Variants in ATP6V1H observed in about 807,000 individuals in gnomAD.
ATP6V1H encodes ATPase H+ transporting V1 subunit H.
A neutral mutation model predicts 71.7 loss-of-function variants in ATP6V1H; 39 were observed. The observed-to-expected ratio is 0.54, with a 90% CI of 0.42 to 0.71. ATP6V1H has a LOEUF of 0.71. Ranked by LOEUF, ATP6V1H falls within the 30% of genes least tolerant of loss-of-function variation. ATP6V1H has a pLI of 0.00. For synonymous variants in ATP6V1H, 192 were observed against 199.3 expected (o/e 0.96, Z 0.31); for missense variants, 509 against 594.9 (o/e 0.86, Z 1.50).
intron 10 of ATP6V1H, among the ~76,000 whole-genome samples, chr8:53,770,259 A>AT (rs746051937): frequency 1.3e-5 from 2 of 152,182 alleles, no homozygotes; most frequent in Non-Finnish European, 2.9e-5. Context: ...GAGTGTAGAC[A>AT]TAATTAATTG....
Position 53,829,535 on chromosome 8 carries a change from TAAA to T in ATP6V1H, c.217-5_217-3del. ...CAGATTTATAAATGTTTTAGCACAC[TAAA>T]AAAAAAAATGAAATTAAAGTTATTG... On this transcript the variant is annotated splice_region_variant and splice_polypyrimidine_tract_variant and intron_variant, in intron 3 of 13. Transcript: ENST00000359530. The T allele has an allele frequency of 2.4e-6, 3 of 1,229,534 alleles. No individual in the cohort carries two copies. The highest frequency in any genetic ancestry group is 3.3e-6 in the Non-Finnish European group (3 of 907,594). 76.2% of individuals were successfully genotyped at this position (1,229,534 alleles called of 1,614,324 possible).
chr8:53,808,558 A>T (rs1333436633), intron 7 of ATP6V1H, among the ~76,000 whole-genome samples: 1 of 152,210 alleles, frequency 6.6e-6, no homozygotes, highest in Non-Finnish European at 1.5e-5. Context: ...GCCTGAGCTC[A>T]GGAGTTCAAG....
chr8:53,744,957 A>G (rs1807548310), intron 12 of ATP6V1H, among the ~76,000 whole-genome samples: 1 of 152,226 alleles, frequency 6.6e-6, no homozygotes, highest in African/African-American at 2.4e-5. Flanking sequence ...ATGTCCCTGC[A>G]GGACACTAAG....
intron 13 of ATP6V1H, among the ~76,000 whole-genome samples, chr8:53,734,163 C>T (rs939304847): frequency 6.6e-6 from 1 of 152,224 alleles, no homozygotes; most frequent in Non-Finnish European, 1.5e-5. Flanking sequence ...AGTACAAAGG[C>T]TTGCTCTGTG....
chr8:53,739,853 C>T (rs1407146328), intron 13 of ATP6V1H, among the ~76,000 whole-genome samples: 1 of 152,240 alleles, frequency 6.6e-6, no homozygotes, highest in Admixed American at 6.5e-5. Flanking sequence ...TAGGACTGGC[C>T]TGCTCAGGCC....
At chr8:53,747,669 AGCTGGGATT>A (rs1175567967) in intron 12 of ATP6V1H, among the ~76,000 whole-genome samples, 1 of 151,840 alleles carries the variant, frequency 6.6e-6, no homozygotes, top group Non-Finnish European at 1.5e-5. Flanking sequence ...CCTCCCGAGT[AGCTGGGATT>A]ACAGGTGCAT....
chr8:53,733,059 C>T (rs1807079286), intron 13 of ATP6V1H, among the ~76,000 whole-genome samples: 1 of 152,188 alleles, frequency 6.6e-6, no homozygotes, highest in Non-Finnish European at 1.5e-5. Flanking sequence ...CAACCCTTCA[C>T]CTCTGCTGAT....
chr8:53,813,891 G>A (rs531281742), intron 6 of ATP6V1H, among the ~76,000 whole-genome samples: 11 of 152,316 alleles, frequency 7.2e-5, no homozygotes, highest in East Asian at 3.9e-4. Flanking sequence ...ACGAGCCACC[G>A]TGTGGGACAG....
intron 13 of ATP6V1H, among the ~76,000 whole-genome samples, chr8:53,721,147 T>A (rs1161101861): frequency 2.0e-5 from 3 of 152,198 alleles, no homozygotes; most frequent in Non-Finnish European, 4.4e-5. Context: ...GAAAAATAAA[T>A]CATCAATAAT....
intron 13 of ATP6V1H, among the ~76,000 whole-genome samples, chr8:53,718,564 A>G (rs1806506546): frequency 6.6e-6 from 1 of 151,864 alleles, no homozygotes; most frequent in African/African-American, 2.4e-5. Flanking sequence ...TAATTTTTGT[A>G]TATTTTGTAC....
intron 11 of ATP6V1H, among the ~76,000 whole-genome samples, chr8:53,762,832 G>A (rs907272069): frequency 1.3e-5 from 2 of 149,538 alleles, no homozygotes; most frequent in African/African-American, 5.0e-5. Flanking sequence ...ACTTACACAT[G>A]GATTTTCTTA....
intron 13 of ATP6V1H, among the ~76,000 whole-genome samples, chr8:53,740,538 G>A (rs1432308935): frequency 6.6e-6 from 1 of 151,996 alleles, no homozygotes; most frequent in Admixed American, 6.6e-5. Context: ...ATAATAACTC[G>A]TTTCCATTTA....
intron 9 of ATP6V1H, among the ~76,000 whole-genome samples, chr8:53,781,459 G>C (rs1250797798): frequency 6.6e-6 from 1 of 152,094 alleles, no homozygotes; most frequent in Non-Finnish European, 1.5e-5. Flanking sequence ...CAGATGAGTA[G>C]GTTGCAAAAA....
intron 2 of ATP6V1H, among the ~76,000 whole-genome samples, chr8:53,833,908 C>G (rs1183529337): frequency 6.6e-6 from 1 of 152,060 alleles, no homozygotes; most frequent in Non-Finnish European, 1.5e-5. Flanking sequence ...GGTGGTGATG[C>G]TGCTGAATTT....
chr8:53,754,519 G>A (rs1289003587), intron 12 of ATP6V1H, among the ~76,000 whole-genome samples: 3 of 152,128 alleles, frequency 2.0e-5, no homozygotes, highest in African/African-American at 4.8e-5. Flanking sequence ...CAAATGGAAC[G>A]AATCATCAGA....
At chr8:53,745,399 T>TA (rs542475056) in intron 12 of ATP6V1H, among the ~76,000 whole-genome samples, 6,700 of 150,318 alleles carry the variant, frequency 0.045, 171 homozygotes, top group South Asian at 0.057. Flanking sequence ...CCCTGTTTCT[T>TA]AAAAAAAAAC....
At chr8:53,716,092 A>G in intron 13 of ATP6V1H, 68 bp from the exon 14 acceptor site, 11 of 1,264,876 alleles carry the variant, frequency 8.7e-6, no homozygotes, top group Non-Finnish European at 1.0e-5. Flanking sequence ...CAAAATTGAA[A>G]CACATTATGC....
intron 6 of ATP6V1H, among the ~76,000 whole-genome samples, chr8:53,813,201 A>G (rs1174961062): frequency 2.6e-5 from 4 of 152,196 alleles, no homozygotes; most frequent in African/African-American, 7.2e-5. Flanking sequence ...GCTCTTGTAA[A>G]AACGCTTTTT....
chr8:53,804,859 G>A (rs541621775), intron 7 of ATP6V1H, among the ~76,000 whole-genome samples: 4 of 152,288 alleles, frequency 2.6e-5, no homozygotes, highest in East Asian at 1.9e-4. Flanking sequence ...ACACATTTAA[G>A]AGAATGTCAT....
Sources: allele counts gnomAD v4.1 joint callset (sites outside exome capture counted in the v4.1 genomes callset), GRCh38; gene constraint gnomAD v4.1.1; transcripts MANE v1.5; gene names NCBI Gene and HGNC (gene_info 2026-07-23, HGNC 2026-07-21).